The following NCKAP5 variants were observed in gnomAD, a reference collection of about 807,000 sequenced individuals.
NCKAP5 encodes nck-associated protein 5.
In NCKAP5, 92 loss-of-function variants were observed where a neutral mutation model predicts 167.0. The observed-to-expected ratio is 0.55, with a 90% CI of 0.47 to 0.66. The LOEUF (loss-of-function observed/expected upper bound fraction) is 0.66, where lower values mean the gene tolerates loss of function less well. NCKAP5 is among the 30% of genes least tolerant of loss of function. NCKAP5 has a pLI of 0.00. For synonymous variants in NCKAP5, 891 were observed against 877.4 expected, an observed-to-expected ratio of 1.02 and a Z score of -0.27; for missense variants, 2,378 against 2,315.0, an observed-to-expected ratio of 1.03 and a Z score of -0.56.
rs1553479343 is a variant in NCKAP5, at chr2:132,920,771, G to GTATGTATGTATGTGTATATA, written c.580-41856_580-41855insTATATACACATACATACATA. On this transcript the variant is annotated intron_variant, in intron 8 of 19. Transcript: ENST00000409261. ...TATATATATATGTATATATATGTAT[G>GTATGTATGTATGTGTATATA]TATATATATATATATATATATATAT... Among the ~76,000 whole-genome samples, 41 of 31,574 alleles carry GTATGTATGTATGTGTATATA rather than the reference G, an allele frequency of 1.3e-3. 3 individuals carry two copies. The highest frequency in any genetic ancestry group is 4.0e-3 in the African/African-American group (36 of 9,060). 20.7% of individuals were successfully genotyped at this position (31,574 alleles called of 152,430 possible). A position where few individuals can be genotyped will look rare whatever the true frequency, so the allele number is the denominator to read the frequency against.
Position 132,784,013 on chromosome 2 carries a change from G to A in NCKAP5, c.2798C>T (p.Pro933Leu). 4.5e-6 allele frequency: 7 copies of A among 1,566,816 alleles called. No individual in the cohort carries two copies. The highest frequency in any genetic ancestry group is 4.3e-6 in the Non-Finnish European group (5 of 1,159,982). The change falls in exon 14 of 20, where the codon CCA becomes CTA. Residue 933 changes from proline to leucine, a missense_variant. Pro to Leu is a moderately conservative substitution (Grantham distance 98, BLOSUM62 -3). Around this residue, in one of 3 missense-constraint regions of NCKAP5, gnomAD observed 1,325 missense variants for 1,274.5 expected, o/e 1.04. Coordinates refer to ENST00000409261, the MANE Select transcript of NCKAP5 (RefSeq NM_207363.3). ...GVKSPSPPPPPGRSVSLLARP... is the reference protein window; with the variant it reads ...GVKSPSPPPPLGRSVSLLARP... ...GGCCAGCAGGGAGACGGACCTGCCT[G>A]GAGGGGGCGGAGGGGAAGGGGATTT... is the stretch of plus-strand genomic sequence containing the variant.
At chr2:133,043,081 C>A (rs1242732249) in intron 6 of NCKAP5, among the ~76,000 whole-genome samples, 2 of 152,134 alleles carry the variant, frequency 1.3e-5, no homozygotes, top group Non-Finnish European at 2.9e-5. Flanking sequence ...CACTTGAAGT[C>A]CACCTGGTTT....
At chr2:133,568,093 G>A (rs1310548957) in intron 1 of NCKAP5, 123 bp downstream of exon 1, 1 of 152,108 alleles carries the variant, frequency 6.6e-6, no homozygotes, top group Non-Finnish European at 1.5e-5. Context: ...CATACTTGCT[G>A]TGACAGCCGA....
intron 7 of NCKAP5, among the ~76,000 whole-genome samples, chr2:132,978,366 G>C (rs2077037013): frequency 6.6e-6 from 1 of 152,132 alleles, no homozygotes; most frequent in African/African-American, 2.4e-5. Context: ...CAATCATAGG[G>C]AGGGGAAAGT....
At chr2:133,216,958 C>G (rs1393040319) in intron 4 of NCKAP5, among the ~76,000 whole-genome samples, 1 of 151,988 alleles carries the variant, frequency 6.6e-6, no homozygotes, top group East Asian at 1.9e-4. Flanking sequence ...TTTTTAAAAA[C>G]CAACTGGCTC....
upstream of NCKAP5, among the ~76,000 whole-genome samples, chr2:133,569,246 G>A (rs1022992858): frequency 4.0e-5 from 6 of 151,790 alleles, no homozygotes; most frequent in Admixed American, 6.6e-5. Context: ...TCTTCTGTCC[G>A]TTGGTTCTTA....
At chr2:133,514,709 AAT>A (rs917817603) in intron 3 of NCKAP5, among the ~76,000 whole-genome samples, 15 of 152,148 alleles carry the variant, frequency 9.9e-5, no homozygotes, top group Non-Finnish European at 2.9e-5. Flanking sequence ...TTAAGAACGT[AAT>A]ATGTTTCTCT....
chr2:133,365,324 T>C (rs540144827), intron 3 of NCKAP5, among the ~76,000 whole-genome samples: 1 of 152,320 alleles, frequency 6.6e-6, no homozygotes, highest in South Asian at 2.1e-4. Context: ...AAGCACATTG[T>C]CTGATAGAAA....
chr2:132,792,413 G>T (rs182084937), intron 12 of NCKAP5, among the ~76,000 whole-genome samples: 2 of 152,196 alleles, frequency 1.3e-5, no homozygotes, highest in Non-Finnish European at 2.9e-5. Flanking sequence ...TGGTTGTGTC[G>T]CAGAGCAGCA....
At chr2:133,086,083 C>T (rs574267631) in intron 6 of NCKAP5, among the ~76,000 whole-genome samples, 4 of 152,302 alleles carry the variant, frequency 2.6e-5, no homozygotes, top group South Asian at 2.1e-4. Flanking sequence ...AATCAGTTCA[C>T]AGCTCTAACT....
At chr2:133,290,355 T>C (rs923210916) in intron 4 of NCKAP5, among the ~76,000 whole-genome samples, 1 of 152,216 alleles carries the variant, frequency 6.6e-6, no homozygotes, top group Non-Finnish European at 1.5e-5. Flanking sequence ...TATCCTTTCA[T>C]TGCTTCTACT....
intron 6 of NCKAP5, among the ~76,000 whole-genome samples, chr2:133,053,709 A>G (rs191898197): frequency 1.3e-5 from 2 of 152,294 alleles, no homozygotes; most frequent in African/African-American, 4.8e-5. Context: ...CTTACAGGGT[A>G]AGATTTCAAA....
At chr2:132,801,701 C>T (rs553470569) in intron 11 of NCKAP5, among the ~76,000 whole-genome samples, 8 of 152,354 alleles carry the variant, frequency 5.3e-5, no homozygotes, top group African/African-American at 1.7e-4. Context: ...CTGGACTATA[C>T]ATTGGGTCGG....
chr2:132,955,967 G>A (rs1306627650), intron 8 of NCKAP5, among the ~76,000 whole-genome samples: 7 of 152,144 alleles, frequency 4.6e-5, no homozygotes, highest in South Asian at 2.1e-4. Flanking sequence ...AATGAAAGCA[G>A]AGAGTAGAAT....
intron 11 of NCKAP5, among the ~76,000 whole-genome samples, chr2:132,800,198 C>G (rs1328450008): frequency 6.6e-6 from 1 of 152,118 alleles, no homozygotes; most frequent in Non-Finnish European, 1.5e-5. Context: ...AAGGCCATGA[C>G]CTCTTAAGAG....
rs115452573 is a variant in NCKAP5, at chr2:133,076,784, T to G, written c.341+53194A>C. The stretch of plus-strand genomic sequence containing the variant: ...ACAGGACGGCTACTGCTATATAGCC[T>G]TCAGGTCCACGTACAAGGAAGCAGA... On this transcript the variant is annotated intron_variant, in intron 6 of 19. Coordinates refer to ENST00000409261, the MANE Select transcript of NCKAP5 (RefSeq NM_207363.3). 9.1e-3 allele frequency among the ~76,000 whole-genome samples: 1,388 copies of G among 152,194 alleles called. 22 individuals are homozygous for G. Among genetic ancestry groups the G allele is most frequent in the African/African-American group, 0.032 (1,314 of 41,510 alleles).
At chr2:133,638,857 C>CAAAAAAAAAAAAAAAAAA in the NCKAP5 span, among the ~76,000 whole-genome samples, 1 of 84,102 alleles carries the variant, frequency 1.2e-5, no homozygotes, top group African/African-American at 4.5e-5. Flanking sequence ...GACTCTATCT[C>CAAAAAAAAAAAAAAAAAA]AAAAAAAAAA....
intron 8 of NCKAP5, among the ~76,000 whole-genome samples, chr2:132,905,723 A>G (rs1338852702): frequency 1.3e-5 from 2 of 152,180 alleles, no homozygotes; most frequent in South Asian, 2.1e-4. Flanking sequence ...AATTTTCCCG[A>G]TAATTTTTGA....
chr2:133,014,802 G>A (rs1359309649), intron 6 of NCKAP5, among the ~76,000 whole-genome samples: 1 of 152,182 alleles, frequency 6.6e-6, no homozygotes, highest in Non-Finnish European at 1.5e-5. Context: ...AGTGGATCAT[G>A]AGATGATAAA....
Sources: allele counts gnomAD v4.1 joint callset (sites outside exome capture counted in the v4.1 genomes callset), GRCh38; gene constraint gnomAD v4.1.1; regional missense constraint gnomAD v4.1.1; transcripts MANE v1.5; gene names NCBI Gene and HGNC (gene_info 2026-07-23, HGNC 2026-07-21).